IGSF21: variants seen among roughly 807,000 people sequenced by gnomAD.
IGSF21 encodes the protein immunoglobin superfamily member 21, also known as immunoglobulin superfamily member 21.
In IGSF21, 28 loss-of-function variants were observed where a neutral mutation model predicts 46.8. That is an observed-to-expected ratio of 0.60 (90% confidence interval 0.44 to 0.82). IGSF21 has a LOEUF of 0.82. Ranked by LOEUF, IGSF21 falls within the 40% of genes least tolerant of loss-of-function variation. The pLI is 0.00. For missense variants in IGSF21, 624 were observed against 665.5 expected (o/e 0.94, Z 0.69); for synonymous variants, 284 against 273.6 (o/e 1.04, Z -0.38).
chr1:18,355,438 T>C (rs4920483), intron 4 of IGSF21, among the ~76,000 whole-genome samples: 42,559 of 152,170 alleles, frequency 0.28, 6,604 homozygotes, highest in East Asian at 0.41. Context: ...ATGTTAACTG[T>C]TGAGTCTAAA....
intron 1 of IGSF21, among the ~76,000 whole-genome samples, chr1:18,132,917 T>TGGGGGGGGGAGGGGACGGAGACA (rs2086334934): frequency 1.1e-5 from 1 of 89,880 alleles, no homozygotes; most frequent in African/African-American, 3.3e-5. Flanking sequence ...GTGGAGGGAG[T>TGGGGGGGGGAGGGGACGGAGACA]GGGGGAGGGA....
chr1:18,295,606 T>A (rs2085304824), intron 3 of IGSF21, among the ~76,000 whole-genome samples: 1 of 152,130 alleles, frequency 6.6e-6, no homozygotes. Flanking sequence ...GGTGGAGAAC[T>A]GAGGGCAGGA....
At chr1:18,169,971 A>C (rs2086720191) in intron 1 of IGSF21, among the ~76,000 whole-genome samples, 1 of 152,140 alleles carries the variant, frequency 6.6e-6, no homozygotes, top group Admixed American at 6.5e-5. Flanking sequence ...CAGCGGTGCC[A>C]ACAAGGTATG....
chr1:18,265,435 G>C (rs2084981034), intron 2 of IGSF21, among the ~76,000 whole-genome samples: 1 of 152,114 alleles, frequency 6.6e-6, no homozygotes, highest in African/African-American at 2.4e-5. Flanking sequence ...GTGTCCTCTG[G>C]GTGTTCCTCC....
intron 4 of IGSF21, among the ~76,000 whole-genome samples, chr1:18,361,176 ACT>A (rs56944734): frequency 0.011 from 1,672 of 152,056 alleles, 29 homozygotes; most frequent in African/African-American, 0.037. Context: ...TGAAATTCCC[ACT>A]CTGTTTTCAG....
intron 4 of IGSF21, among the ~76,000 whole-genome samples, chr1:18,349,726 C>A (rs967845043): frequency 6.6e-6 from 1 of 152,100 alleles, no homozygotes; most frequent in Non-Finnish European, 1.5e-5. Flanking sequence ...CTCACAAGAT[C>A]CCTAGAAAGT....
intron 2 of IGSF21, among the ~76,000 whole-genome samples, chr1:18,244,025 CA>C (rs1338891657): frequency 6.6e-6 from 1 of 152,230 alleles, no homozygotes; most frequent in Non-Finnish European, 1.5e-5. Flanking sequence ...ATGCCTGGAA[CA>C]GTCCAGATGG....
chr1:18,248,949 G>A (rs749850064), intron 2 of IGSF21, among the ~76,000 whole-genome samples: 1 of 152,104 alleles, frequency 6.6e-6, no homozygotes, highest in Non-Finnish European at 1.5e-5. Context: ...CGCAGGGGAA[G>A]AAAAGTATAC....
chr1:18,346,208 C>A (rs2085891642), intron 4 of IGSF21, among the ~76,000 whole-genome samples: 1 of 152,092 alleles, frequency 6.6e-6, no homozygotes, highest in African/African-American at 2.4e-5. Flanking sequence ...ACATCTGTGG[C>A]CTCCCACCCT....
chr1:18,139,978 G>A (rs78338706), intron 1 of IGSF21, among the ~76,000 whole-genome samples: 21,193 of 151,952 alleles, frequency 0.14, 1,580 homozygotes, highest in Middle Eastern at 0.17. Flanking sequence ...ACAGGGTCTC[G>A]CTCTGTCGCT....
chr1:18,154,988 G>T (rs1169494773), intron 1 of IGSF21, among the ~76,000 whole-genome samples: 1 of 152,082 alleles, frequency 6.6e-6, no homozygotes, highest in East Asian at 2.0e-4. Flanking sequence ...CAAATGGGGG[G>T]CTCACTTATG....
At chr1:18,183,075 CT>C (rs1353643155) in intron 1 of IGSF21, among the ~76,000 whole-genome samples, 1 of 152,180 alleles carries the variant, frequency 6.6e-6, no homozygotes, top group East Asian at 1.9e-4. Context: ...CTGTAATATC[CT>C]TTTTCTAATA....
In IGSF21 at chr1:18,199,190, G is replaced by T. The variant is rs565230715; in HGVS notation, c.71-28708G>T. On this transcript the variant is annotated intron_variant, in intron 1 of 9. Coordinates refer to ENST00000251296, the MANE Select transcript of IGSF21 (RefSeq NM_032880.5). ...GGAGGGTGGCTCTGGTGAATAAAGA[G>T]TGGGTTGGGGCCCCTGCACCCATCA... Among the ~76,000 whole-genome samples the T allele has an allele frequency of 9.2e-5, 14 of 152,274 alleles. No homozygotes were observed. The East Asian group carries it at 2.7e-3, about 29-fold the overall frequency.
intron 1 of IGSF21, among the ~76,000 whole-genome samples, chr1:18,205,163 G>A (rs780176548): frequency 4.6e-5 from 7 of 151,992 alleles, no homozygotes; most frequent in Non-Finnish European, 8.8e-5. Flanking sequence ...GAGAGAGAAA[G>A]AGAGAGGGAG....
intron 1 of IGSF21, among the ~76,000 whole-genome samples, chr1:18,148,093 AT>A (rs2086486835): frequency 7.7e-6 from 1 of 129,192 alleles, no homozygotes; most frequent in South Asian, 2.5e-4. Flanking sequence ...CCATTAAACC[AT>A]TTTCCTTTAT....
At chr1:18,132,439 A>G (rs1392395548) in intron 1 of IGSF21, among the ~76,000 whole-genome samples, 1 of 152,180 alleles carries the variant, frequency 6.6e-6, no homozygotes, top group Non-Finnish European at 1.5e-5. Flanking sequence ...GTTGAATGGA[A>G]GCCTTAGAGA....
chr1:18,292,219 C>T (rs1350457141), intron 3 of IGSF21, among the ~76,000 whole-genome samples: 1 of 152,220 alleles, frequency 6.6e-6, no homozygotes, highest in Admixed American at 6.5e-5. Flanking sequence ...GCCTCCTCTG[C>T]CAGCTCCTCC....
At chr1:18,300,808 C>T (rs1474827190) in intron 3 of IGSF21, among the ~76,000 whole-genome samples, 4 of 152,138 alleles carry the variant, frequency 2.6e-5, no homozygotes, top group Non-Finnish European at 5.9e-5. Context: ...CTCCTACCCC[C>T]AGAGCTCTAA....
At chr1:18,302,383 A>T (rs115882766) in intron 3 of IGSF21, among the ~76,000 whole-genome samples, 1,616 of 152,142 alleles carry the variant, frequency 0.011, 36 homozygotes, top group African/African-American at 0.037. Flanking sequence ...ATTCTTCTCC[A>T]TGGCTCCTAC....
Sources: allele counts gnomAD v4.1 joint callset (sites outside exome capture counted in the v4.1 genomes callset), GRCh38; gene constraint gnomAD v4.1.1; transcripts MANE v1.5; gene names NCBI Gene and HGNC (gene_info 2026-07-23, HGNC 2026-07-21).